NTM: variants seen among roughly 807,000 people sequenced by gnomAD.
The protein encoded by NTM is IgLON family member 2.
Under a neutral mutation model 42.1 loss-of-function variants are expected in NTM, and 13 were observed. The observed-to-expected ratio is 0.31, with a 90% confidence interval of 0.20 to 0.49. The LOEUF is 0.49. NTM is among the 20% of genes least tolerant of loss of function. NTM has a pLI of 0.99. For synonymous variants in NTM, 187 were observed against 179.2 expected (o/e 1.04, Z -0.35); for missense variants, 373 against 452.8 (o/e 0.82, Z 1.60).
intron 3 of NTM, among the ~76,000 whole-genome samples, chr11:132,152,269 T>G (rs2072107425): frequency 6.6e-6 from 1 of 152,206 alleles, no homozygotes; most frequent in African/African-American, 2.4e-5. Context: ...TCTGCAGATC[T>G]TTGCACCAAC....
intron 1 of NTM, chr11:131,606,022 C>T (rs1304471214): frequency 3.2e-6 from 1 of 315,932 alleles, no homozygotes; most frequent in African/African-American, 2.3e-5. Context: ...CCAAGTTTGT[C>T]CAGTTCACTG....
At chr11:131,699,916 G>A (rs965777561) in intron 1 of NTM, among the ~76,000 whole-genome samples, 1 of 70,556 alleles carries the variant, frequency 1.4e-5, no homozygotes, top group African/African-American at 8.8e-5. Context: ...GCAGGTGTGT[G>A]TGTGTGTGTG....
intron 1 of NTM, among the ~76,000 whole-genome samples, chr11:131,735,191 A>G (rs967253652): frequency 6.6e-6 from 1 of 152,152 alleles, no homozygotes; most frequent in Non-Finnish European, 1.5e-5. Context: ...CCAAACTGAA[A>G]ACTATTTCTC....
At chr11:131,500,575 ATATTTTTTTTTTTT>A (rs1243889211) in intron 1 of NTM, among the ~76,000 whole-genome samples, 10 of 18,038 alleles carry the variant, frequency 5.5e-4, no homozygotes, top group African/African-American at 2.4e-3. Flanking sequence ...ATATATATAT[ATATTTTTTTTTTTT>A]TTTTTTGTAT....
At chr11:131,567,214 G>A (rs1370415078) in intron 1 of NTM, among the ~76,000 whole-genome samples, 1 of 152,140 alleles carries the variant, frequency 6.6e-6, no homozygotes, top group Non-Finnish European at 1.5e-5. Context: ...CTAGAGGCCG[G>A]GCACAGTGGC....
chr11:131,975,015 G>A (rs10894479), intron 2 of NTM, among the ~76,000 whole-genome samples: 52,107 of 152,004 alleles, frequency 0.34, 9,193 homozygotes, highest in East Asian at 0.59. Context: ...TCCCTGCATT[G>A]ACAAGTGAGT....
intron 1 of NTM, among the ~76,000 whole-genome samples, chr11:131,527,146 T>C (rs1013376270): frequency 1.3e-5 from 2 of 152,202 alleles, no homozygotes; most frequent in Non-Finnish European, 2.9e-5. Flanking sequence ...GTAACCCCCC[T>C]GGTCTCCCAG....
chr11:132,004,301 C>G (rs983771466), intron 2 of NTM, among the ~76,000 whole-genome samples: 5 of 151,994 alleles, frequency 3.3e-5, no homozygotes, highest in Non-Finnish European at 5.9e-5. Flanking sequence ...GCTTTAAATC[C>G]ACTCCTGCCT....
At chr11:131,591,613 A>T (rs1348877189) in intron 1 of NTM, among the ~76,000 whole-genome samples, 1 of 152,216 alleles carries the variant, frequency 6.6e-6, no homozygotes, top group Non-Finnish European at 1.5e-5. Flanking sequence ...TTGCTCCCCG[A>T]AAGGGTCACT....
chr11:131,807,846 G>A (rs192885884), intron 1 of NTM, among the ~76,000 whole-genome samples: 3 of 152,236 alleles, frequency 2.0e-5, no homozygotes, highest in Admixed American at 1.3e-4. Flanking sequence ...TTTGCATAAC[G>A]ACTACGACTG....
intron 1 of NTM, among the ~76,000 whole-genome samples, chr11:131,667,468 G>C (rs1307208114): frequency 6.6e-6 from 1 of 152,092 alleles, no homozygotes; most frequent in Non-Finnish European, 1.5e-5. Flanking sequence ...GTTTTGCTTT[G>C]TATGTAAGCA....
intron 1 of NTM, among the ~76,000 whole-genome samples, chr11:131,656,502 C>T (rs887325316): frequency 6.6e-6 from 1 of 152,220 alleles, no homozygotes; most frequent in Non-Finnish European, 1.5e-5. Context: ...CATGGATAGA[C>T]TTGGGACTTG....
chr11:132,018,197 A>G (rs2073752452), intron 2 of NTM, among the ~76,000 whole-genome samples: 1 of 147,624 alleles, frequency 6.8e-6, no homozygotes, highest in African/African-American at 2.5e-5. Flanking sequence ...TCCCTCCCTC[A>G]TTCACTGCCT....
intron 1 of NTM, among the ~76,000 whole-genome samples, chr11:131,711,813 G>A (rs1364521958): frequency 2.0e-5 from 3 of 151,718 alleles, no homozygotes; most frequent in Non-Finnish European, 2.9e-5. Flanking sequence ...AAAAAATGAC[G>A]AGTTCATGTC....
intron 4 of NTM, among the ~76,000 whole-genome samples, chr11:132,220,988 G>C (rs1451862397): frequency 6.6e-6 from 1 of 152,094 alleles, no homozygotes; most frequent in Admixed American, 6.5e-5. Context: ...TCACAACCAG[G>C]GTACCTCCTC....
Position 132,070,087 on chromosome 11 carries a change from C to A in NTM, c.168-76195C>A, listed in dbSNP as rs577924453. On this transcript the variant is annotated intron_variant, in intron 2 of 8. Coordinates refer to ENST00000683400, the MANE Select transcript of NTM (RefSeq NM_001352005.2). ...ACAGCCAAGTTAACACGTCACACAG[C>A]CAAGTTAACACGTCAAACTGACCGT... Among the ~76,000 whole-genome samples the A allele has an allele frequency of 4.7e-4, 64 of 136,932 alleles. 1 individual carries two copies. Among genetic ancestry groups the A allele is most frequent in the Middle Eastern group, 5.3e-3 (1 of 190 alleles). The allele number at this position is 136,932 out of a possible 152,430, so 89.8% of individuals were successfully genotyped here. A position where few individuals can be genotyped will look rare whatever the true frequency, so the allele number is the denominator to read the frequency against.
intron 1 of NTM, among the ~76,000 whole-genome samples, chr11:131,667,921 A>T (rs887589997): frequency 2.6e-5 from 4 of 152,148 alleles, no homozygotes; most frequent in Admixed American, 6.5e-5. Flanking sequence ...TGATTAGTTG[A>T]ACTCCAAGGG....
intron 1 of NTM, among the ~76,000 whole-genome samples, chr11:131,649,794 T>G (rs541260941): frequency 1.3e-5 from 2 of 152,332 alleles, no homozygotes; most frequent in Non-Finnish European, 2.9e-5. Context: ...GCTTTTTTTC[T>G]TCTTAACTTT....
intron 2 of NTM, among the ~76,000 whole-genome samples, chr11:132,038,994 C>T (rs527745): frequency 0.82 from 125,512 of 152,196 alleles, 52,116 homozygotes; most frequent in East Asian, 0.95. Flanking sequence ...AGTCTTGCTC[C>T]GTGTCTGAGT....
Sources: gnomAD v4.1 joint callset for allele counts (sites outside exome capture counted in the v4.1 genomes callset) on GRCh38, gnomAD v4.1.1 for gene constraint, MANE v1.5 for transcripts, NCBI Gene and HGNC (gene_info 2026-07-23, HGNC 2026-07-21) for gene names.